Variants in TBC1D5 observed in about 807,000 individuals in gnomAD.
TBC1D5 encodes the protein TBC1 domain family, member 5.
Under a neutral mutation model 100.3 loss-of-function variants are expected in TBC1D5, and 75 were observed. That is an observed-to-expected ratio of 0.75 (90% CI 0.62 to 0.91). The LOEUF is 0.91. Ranked by LOEUF, TBC1D5 falls within the 40% of genes least tolerant of loss-of-function variation. The pLI is 0.00. For synonymous variants in TBC1D5, 323 were observed against 325.6 expected (o/e 0.99, Z 0.09); for missense variants, 910 against 942.4 (o/e 0.97, Z 0.45).
At chr3:17,592,991 C>A (rs565111058) in intron 2 of TBC1D5, among the ~76,000 whole-genome samples, 2 of 152,090 alleles carry the variant, frequency 1.3e-5, no homozygotes, top group African/African-American at 4.8e-5. Flanking sequence ...TAAAGTGGGT[C>A]GTGCACAGAA....
At chr3:17,704,492 G>C (rs2073696007) in intron 1 of TBC1D5, among the ~76,000 whole-genome samples, 1 of 131,292 alleles carries the variant, frequency 7.6e-6, no homozygotes. Flanking sequence ...TTCCCAGTAG[G>C]GGCGGCCGGG....
chr3:17,376,722 T>G (rs1446022678), intron 9 of TBC1D5, 109 bp from the exon 10 acceptor site: 1 of 784,504 alleles, frequency 1.3e-6, no homozygotes, highest in East Asian at 2.9e-5. Flanking sequence ...CTAGCAAAAT[T>G]TCCACATTAC....
intron 2 of TBC1D5, among the ~76,000 whole-genome samples, chr3:17,526,412 G>T (rs910512564): frequency 6.6e-6 from 1 of 151,994 alleles, no homozygotes; most frequent in Non-Finnish European, 1.5e-5. Flanking sequence ...TAGAGACCAG[G>T]TCTCCCTATT....
At chr3:17,455,633 T>A (rs116351860) in intron 3 of TBC1D5, among the ~76,000 whole-genome samples, 3,471 of 150,806 alleles carry the variant, frequency 0.023, 104 homozygotes, top group African/African-American at 0.077. Context: ...AGCTCAGGAG[T>A]TCGAAACCAA....
chr3:17,328,443 T>C (rs943519700), intron 13 of TBC1D5, among the ~76,000 whole-genome samples: 7 of 152,120 alleles, frequency 4.6e-5, no homozygotes, highest in African/African-American at 1.2e-4. Context: ...TAACCTGCCA[T>C]AGATTGTCCA....
At chr3:17,430,687 T>C (rs185273698) in intron 3 of TBC1D5, among the ~76,000 whole-genome samples, 64 of 152,034 alleles carry the variant, frequency 4.2e-4, no homozygotes, top group Non-Finnish European at 7.7e-4. Context: ...AAATTAATTA[T>C]GGCAAATGTT....
chr3:17,277,302 A>G (rs2080123486), intron 15 of TBC1D5, among the ~76,000 whole-genome samples: 1 of 151,558 alleles, frequency 6.6e-6, no homozygotes, highest in African/African-American at 2.4e-5. Context: ...TCACACTATC[A>G]CTCTAATCCT....
intron 21 of TBC1D5, among the ~76,000 whole-genome samples, chr3:17,163,357 C>T (rs1006868483): frequency 2.0e-5 from 3 of 151,806 alleles, no homozygotes; most frequent in Admixed American, 2.0e-4. Context: ...ACAAAAGACC[C>T]CACTCTTCTG....
At chr3:17,306,206 C>T (rs1490996491) in intron 14 of TBC1D5, among the ~76,000 whole-genome samples, 1 of 152,176 alleles carries the variant, frequency 6.6e-6, no homozygotes, top group African/African-American at 2.4e-5. Flanking sequence ...TATTGACTCA[C>T]AGCAGCCCAG....
intron 17 of TBC1D5, chr3:17,233,684 CCTTGGAGGTCAG>C: frequency 6.6e-7 from 1 of 1,513,946 alleles, no homozygotes; most frequent in Non-Finnish European, 8.9e-7. Context: ...GGTAACTGTA[CCTTGGAGGTCAG>C]TTAGAGTCTG....
chr3:17,544,568 T>C (rs1342541341), intron 2 of TBC1D5, among the ~76,000 whole-genome samples: 1 of 151,080 alleles, frequency 6.6e-6, no homozygotes, highest in East Asian at 2.0e-4. Flanking sequence ...GGAGAATCTC[T>C]TGAACCCGCG....
At position 17,404,783 on chromosome 3, in the gene TBC1D5, G is replaced by C. The variant is rs748354592; in HGVS notation, c.367-15C>G. ...TTGGTAATATGCTAGTAAAGAAAGA[G>C]AAAACACACACACAAGGATCAGAGG... On this transcript the variant is annotated splice_polypyrimidine_tract_variant and intron_variant, in intron 6 of 21. Coordinates refer to ENST00000253692, the Ensembl canonical transcript of TBC1D5. 3.8e-6 allele frequency: 6 copies of C among 1,595,864 alleles called. No individual in the cohort carries two copies. In the African/African-American group the frequency reaches 7.1e-5, roughly 19 times the overall value.
At chr3:17,459,574 T>C (rs1291216625) in intron 3 of TBC1D5, among the ~76,000 whole-genome samples, 1 of 152,104 alleles carries the variant, frequency 6.6e-6, no homozygotes, top group Non-Finnish European at 1.5e-5. Flanking sequence ...ATTACATATT[T>C]TTATGGAGAG....
chr3:17,263,027 G>A (rs970114739), intron 15 of TBC1D5, among the ~76,000 whole-genome samples: 1 of 151,852 alleles, frequency 6.6e-6, no homozygotes, highest in Admixed American at 6.6e-5. Flanking sequence ...AGGAGTTTGA[G>A]ACCAGACTGG....
At chr3:17,552,564 G>T (rs2096483203) in intron 2 of TBC1D5, among the ~76,000 whole-genome samples, 1 of 152,044 alleles carries the variant, frequency 6.6e-6, no homozygotes, top group Non-Finnish European at 1.5e-5. Context: ...CTAGGCCCTA[G>T]GACATAGTAC....
In TBC1D5 at chr3:17,374,776, A is replaced by T. The variant is rs1006810893; in HGVS notation, c.702-97T>A. ...CTATATAAGACAACTTTCATATAATATGCAAACGAAAAAAATTAGTCTTTT... is the reference window on the plus strand; with the variant it reads ...CTATATAAGACAACTTTCATATAATTTGCAAACGAAAAAAATTAGTCTTTT... On this transcript the variant is annotated intron_variant, in intron 10 of 21. Transcript: ENST00000253692. 10 of 1,193,736 alleles carry T rather than the reference A, an allele frequency of 8.4e-6. No homozygotes were observed. In the African/African-American group the frequency reaches 1.6e-4, roughly 19 times the overall value. The allele number at this position is 1,193,736 out of a possible 1,614,324, so 73.9% of individuals were successfully genotyped here. A position where few individuals can be genotyped will look rare whatever the true frequency, so the allele number is the denominator to read the frequency against.
intron 15 of TBC1D5, 96 bp downstream of exon 15, chr3:17,291,799 T>C (rs768645087): frequency 1.2e-5 from 14 of 1,149,866 alleles, no homozygotes; most frequent in Non-Finnish European, 1.6e-5. Context: ...CATCTACCAT[T>C]AGGCAAATTC....
At chr3:17,420,762 A>T (rs1256406301) in intron 4 of TBC1D5, among the ~76,000 whole-genome samples, 1 of 152,212 alleles carries the variant, frequency 6.6e-6, no homozygotes, top group Non-Finnish European at 1.5e-5. Flanking sequence ...AACTGGGAAC[A>T]CCAGCAGGAA....
At chr3:17,346,047 T>A (rs1277249163) in intron 13 of TBC1D5, among the ~76,000 whole-genome samples, 1 of 152,142 alleles carries the variant, frequency 6.6e-6, no homozygotes, top group African/African-American at 2.4e-5. Flanking sequence ...TGTGCACATG[T>A]ACCCTAAAAC....
Sources: gnomAD v4.1 joint callset for allele counts (sites outside exome capture counted in the v4.1 genomes callset) on GRCh38, gnomAD v4.1.1 for gene constraint, MANE v1.5 for transcripts, NCBI Gene and HGNC (gene_info 2026-07-23, HGNC 2026-07-21) for gene names.